The following RBFOX3 variants were observed in gnomAD, a reference collection of about 807,000 sequenced individuals.
RBFOX3 encodes RNA binding fox-1 homolog 3.
A neutral mutation model predicts 48.7 loss-of-function variants in RBFOX3; 17 were observed. That is an observed-to-expected ratio of 0.35 (90% CI 0.24 to 0.52). The LOEUF (loss-of-function observed/expected upper bound fraction) is 0.52, where lower values mean the gene tolerates loss of function less well. Ranked by LOEUF, RBFOX3 falls within the 20% of genes least tolerant of loss-of-function variation. The pLI is 0.94. For synonymous variants in RBFOX3, 212 were observed against 209.5 expected (o/e 1.01, Z -0.10); for missense variants, 382 against 497.5 (o/e 0.77, Z 2.21).
chr17:79,411,119 G>T (rs974092026), intron 2 of RBFOX3, among the ~76,000 whole-genome samples: 3 of 152,130 alleles, frequency 2.0e-5, no homozygotes, highest in African/African-American at 4.8e-5. Context: ...TTTTTTTCGT[G>T]CCCCGGCACC....
At chr17:79,345,920 G>A (rs1285972008) in intron 2 of RBFOX3, among the ~76,000 whole-genome samples, 1 of 151,770 alleles carries the variant, frequency 6.6e-6, no homozygotes, top group Non-Finnish European at 1.5e-5. Context: ...TTTGTTTTTT[G>A]TTTGTTTGTT....
intron 2 of RBFOX3, among the ~76,000 whole-genome samples, chr17:79,407,254 T>A (rs2063669549): frequency 6.6e-6 from 1 of 152,224 alleles, no homozygotes; most frequent in South Asian, 2.1e-4. Flanking sequence ...GTGATCCACC[T>A]GCCTCGGCCT....
Position 79,212,946 on chromosome 17 carries a change from C to T in RBFOX3, c.-34+22820G>A, listed in dbSNP as rs1191369929. On this transcript the variant is annotated intron_variant, in intron 4 of 14. Transcript: ENST00000693108. This position sits in a 1 kb window ranked among gnomAD's most constrained non-coding sequence, Gnocchi z 4.7. ...CTCAGATCACTGCAACCTCCGTCTC[C>T]CAGGTTCAAGAGATTCTCCTGCCTC... 1.3e-5 allele frequency among the ~76,000 whole-genome samples: 2 copies of T among 151,984 alleles called. No individual in the cohort carries two copies. Among genetic ancestry groups the T allele is most frequent in the Admixed American group, 1.3e-4 (2 of 15,274 alleles).
At chr17:79,269,177 T>C (rs1006499) in intron 3 of RBFOX3, among the ~76,000 whole-genome samples, 135,205 of 152,204 alleles carry the variant, frequency 0.89, 61,096 homozygotes, top group East Asian at 1. Context: ...AGGCAGAGAT[T>C]GCAGTGATGC....
chr17:79,601,298 A>G (rs1295363166), intron 1 of RBFOX3: 2 of 152,214 alleles, frequency 1.3e-5, no homozygotes, highest in Non-Finnish European at 2.9e-5. Flanking sequence ...GGTGTCTGCA[A>G]CTGGACCCCA....
chr17:79,442,006 C>T (rs2071025585), intron 2 of RBFOX3, among the ~76,000 whole-genome samples: 1 of 151,838 alleles, frequency 6.6e-6, no homozygotes, highest in South Asian at 2.1e-4. Context: ...TTACTCTGGG[C>T]TCCAGCCCCA....
chr17:79,642,973 A>G, the RBFOX3 span, among the ~76,000 whole-genome samples: 4 of 152,112 alleles, frequency 2.6e-5, no homozygotes, highest in African/African-American at 7.2e-5. Flanking sequence ...ATAGTGGTGC[A>G]CTCCTATAGT....
At chr17:79,515,751 T>C (rs2085153352) in intron 1 of RBFOX3, among the ~76,000 whole-genome samples, 1 of 152,056 alleles carries the variant, frequency 6.6e-6, no homozygotes, top group East Asian at 1.9e-4. Context: ...GTTAGTGTGG[T>C]GGGCAGGCAT....
At chr17:79,131,288 T>C (rs916819100) in intron 4 of RBFOX3, among the ~76,000 whole-genome samples, 2 of 151,696 alleles carry the variant, frequency 1.3e-5, no homozygotes, top group African/African-American at 4.9e-5. Flanking sequence ...CCTCCGTGTG[T>C]ATTCCATGTG....
chr17:79,345,367 CT>C (rs1168302193), intron 2 of RBFOX3, among the ~76,000 whole-genome samples: 1 of 152,148 alleles, frequency 6.6e-6, no homozygotes, highest in East Asian at 1.9e-4. Flanking sequence ...CCTTGTTGGT[CT>C]TGCTAGATAG....
rs2077039250 is a variant in RBFOX3 at position 79,471,348 on chromosome 17, G to T, written c.-175+11106C>A. 6.6e-6 allele frequency among the ~76,000 whole-genome samples: 1 copy of T among 152,134 alleles called. No homozygotes were observed. Among genetic ancestry groups the T allele is most frequent in the African/African-American group, 2.4e-5 (1 of 41,420 alleles). ...ATTTTGCAAAGAGCGTGCAGGGCCG[G>T]GCAAAATACTAAATAATTCAAAAAT... On this transcript the variant is annotated intron_variant, in intron 2 of 14. Transcript: ENST00000693108. The surrounding 1 kb of genome is among the most constrained non-coding windows in gnomAD (Gnocchi z 4.0).
chr17:79,568,312 C>A (rs2092543992), intron 1 of RBFOX3, among the ~76,000 whole-genome samples: 2 of 152,210 alleles, frequency 1.3e-5, no homozygotes, highest in Non-Finnish European at 1.5e-5. Flanking sequence ...ACAGCCTGAG[C>A]ATCTCAAATC....
In RBFOX3 at chr17:79,462,623, G is replaced by T. The variant is rs9903353; in HGVS notation, c.-175+19831C>A. Reference sequence around the variant, plus strand: ...ACTGCCTCCAGTAGACAGAAGTTAGGGATCCTGCTCAGTGTCCTACAGCCC... The same window carrying T: ...ACTGCCTCCAGTAGACAGAAGTTAGTGATCCTGCTCAGTGTCCTACAGCCC... On this transcript the variant is annotated intron_variant, in intron 2 of 14. Transcript: ENST00000693108. 4.2e-3 allele frequency among the ~76,000 whole-genome samples: 637 copies of T among 152,248 alleles called. 4 individuals carry two copies. Among genetic ancestry groups the T allele is most frequent in the African/African-American group, 0.013 (526 of 41,522 alleles).
intron 4 of RBFOX3, among the ~76,000 whole-genome samples, chr17:79,170,076 G>A (rs1381944729): frequency 7.6e-5 from 11 of 145,284 alleles, no homozygotes; most frequent in East Asian, 4.0e-4. Context: ...GAAAGGAAAC[G>A]GAGGAAGGAA....
chr17:79,093,385 G>A (rs2074373318), intron 14 of RBFOX3, among the ~76,000 whole-genome samples: 1 of 152,048 alleles, frequency 6.6e-6, no homozygotes, highest in African/African-American at 2.4e-5. Flanking sequence ...ACACAAGAGG[G>A]AACCCTCCGT....
Position 79,091,845 on chromosome 17 carries a change from T to C in RBFOX3, c.1078-960A>G, listed in dbSNP as rs759908525. The C allele has an allele frequency of 4.4e-4, 279 of 630,086 alleles. 1 individual carries two copies. Among genetic ancestry groups the C allele is most frequent in the Non-Finnish European group, 3.7e-4 (188 of 505,226 alleles). 39.0% of individuals were successfully genotyped at this position (630,086 alleles called of 1,614,324 possible). A position where few individuals can be genotyped will look rare whatever the true frequency, so the allele number is the denominator to read the frequency against. ...AGCGACCAGGACGTGCCTTTCCACA[T>C]TTCCACTTTCTGCTGCAGCAGTGCT... is the stretch of plus-strand genomic sequence containing the variant. On this transcript the variant is annotated intron_variant, in intron 14 of 14. Coordinates refer to ENST00000693108, the MANE Select transcript of RBFOX3 (RefSeq NM_001350451.2).
intron 3 of RBFOX3, among the ~76,000 whole-genome samples, chr17:79,268,805 CCCTCTTT>C (rs1369049164): frequency 1.3e-5 from 2 of 152,186 alleles, no homozygotes; most frequent in African/African-American, 4.8e-5. Context: ...CTGCCTGCCA[CCCTCTTT>C]CCTCTTTCTC....
At chr17:79,653,381 T>C in the RBFOX3 span, among the ~76,000 whole-genome samples, 1 of 152,190 alleles carries the variant, frequency 6.6e-6, no homozygotes, top group Non-Finnish European at 1.5e-5. Context: ...AAAAGGCATG[T>C]TGGAAGGTGT....
chr17:79,562,104 G>A (rs1407773046), intron 1 of RBFOX3, among the ~76,000 whole-genome samples: 1 of 152,256 alleles, frequency 6.6e-6, no homozygotes, highest in Admixed American at 6.5e-5. Context: ...AAATTCATTA[G>A]TGAAATTAAT....
Sources: gnomAD v4.1 joint callset for allele counts (sites outside exome capture counted in the v4.1 genomes callset) on GRCh38, gnomAD v4.1.1 for gene constraint, Gnocchi (gnomAD v3.1) non-coding constraint, MANE v1.5 for transcripts, NCBI Gene and HGNC (gene_info 2026-07-23, HGNC 2026-07-21) for gene names.